The following ARMCX4 variants were observed in gnomAD, a reference collection of about 807,000 sequenced individuals.
ARMCX4 encodes armadillo repeat-containing X-linked protein 4.
ARMCX4 carries 3 observed loss-of-function variants against 34.7 expected under a neutral mutation model. The ratio of observed to expected loss-of-function variants is 0.09; its 90% CI spans 0.04 to 0.22. The LOEUF is 0.22. Among genes scored for constraint, ARMCX4 ranks in the 10% least tolerant of loss-of-function variants. The probability of loss-of-function intolerance (pLI) is 1.00; values close to 1 mark genes in which losing one functional copy is unlikely to be tolerated. For synonymous variants in ARMCX4, 513 were observed against 632.8 expected, an observed-to-expected ratio of 0.81 and a Z score of 2.84; for missense variants, 1,448 against 1,720.8, an observed-to-expected ratio of 0.84 and a Z score of 2.81.
At chrX:101,495,983 G>A (rs1251597456), downstream of ARMCX4, among the ~76,000 whole-genome samples, 1 of 111,594 alleles carries the variant, frequency 9.0e-6, no homozygotes, top group Non-Finnish European at 1.9e-5. Context: ...TACAAAGGAG[G>A]GGGACCCTTA....
rs1569338116 is a variant in ARMCX4, at chrX:101,494,018, A to AGGCTGG, written c.5441_5446dup (p.Gly1814_Ala1815dup). The AGGCTGG allele has an allele frequency of 4.9e-5, 5 of 102,618 alleles. No homozygotes were observed. Among genetic ancestry groups the AGGCTGG allele is most frequent in the African/African-American group, 3.4e-4 (1 of 2,976 alleles). 8.5% of individuals were successfully genotyped at this position (102,618 alleles called of 1,213,427 possible). A position where few individuals can be genotyped will look rare whatever the true frequency, so the allele number is the denominator to read the frequency against. ...TATATGGGCTCCTGTGTAGGGGCTG[A>AGGCTGG]GGCTGGGGCTGGGGCTGAGGCTGGG... On this transcript the variant is annotated inframe_insertion, in exon 6 of 6. Transcript: ENST00000423738.
upstream of ARMCX4, among the ~76,000 whole-genome samples, chrX:101,483,611 G>A (rs1933564340): frequency 9.1e-6 from 1 of 109,442 alleles, no homozygotes; most frequent in South Asian, 3.8e-4. Flanking sequence ...TTTCTATTGG[G>A]TTGTTTATCA....
At chrX:101,510,601 G>A (rs1934560390) in intron 10 of ARMCX4, among the ~76,000 whole-genome samples, 1 of 111,690 alleles carries the variant, frequency 9.0e-6, no homozygotes, top group Admixed American at 9.5e-5. Context: ...TGTGATGTAA[G>A]TTATATTACT....
At chrX:101,476,785 C>T (rs189381976) in intron 4 of ARMCX4, among the ~76,000 whole-genome samples, 2 of 109,618 alleles carry the variant, frequency 1.8e-5, no homozygotes, top group East Asian at 5.7e-4. Context: ...AGACATTTAA[C>T]TCAAGAATGT....
chrX:101,469,167 T>C (rs1556002582), intron 4 of ARMCX4, among the ~76,000 whole-genome samples: 1 of 112,633 alleles, frequency 8.9e-6, no homozygotes, highest in African/African-American at 3.2e-5. Flanking sequence ...ACAACCTCAC[T>C]ACTTAACAGA....
intron 4 of ARMCX4, among the ~76,000 whole-genome samples, chrX:101,470,743 C>A (rs1932881850): frequency 8.9e-6 from 1 of 112,079 alleles, no homozygotes; most frequent in Non-Finnish European, 1.9e-5. Flanking sequence ...CTTATTGTTT[C>A]TGAGTTTCAG....
chrX:101,498,072 C>A, downstream of ARMCX4: 1 of 315,318 alleles, frequency 3.2e-6, no homozygotes, highest in Admixed American at 3.3e-5. Flanking sequence ...TGGATATGGC[C>A]TTCTTGCCCC....
At chrX:101,535,393 C>T (rs144735416), downstream of ARMCX4, among the ~76,000 whole-genome samples, 38 of 111,413 alleles carry the variant, frequency 3.4e-4, no homozygotes, top group East Asian at 0.011. Context: ...GAACTAATGC[C>T]CTGTGGGAAA....
downstream of ARMCX4, among the ~76,000 whole-genome samples, chrX:101,447,023 A>G (rs782757071): frequency 9.0e-6 from 1 of 111,472 alleles, no homozygotes; most frequent in Non-Finnish European, 1.9e-5. Flanking sequence ...CACTTCCAAG[A>G]CAGTTCACAG....
chrX:101,424,230 C>T (rs1371306384), intron 2 of ARMCX4, among the ~76,000 whole-genome samples: 1 of 111,539 alleles, frequency 9.0e-6, no homozygotes, highest in East Asian at 2.8e-4. Flanking sequence ...CATGGAGGTA[C>T]CTAGAGGGTG....
At chrX:101,533,005 G>C in intron 12 of ARMCX4, 1 of 109,875 alleles carries the variant, frequency 9.1e-6, no homozygotes, top group Middle Eastern at 4.7e-3. Context: ...ATGGTGGTTA[G>C]TCTTTATTTT....
At chrX:101,507,167 A>G (rs1934471510) in intron 8 of ARMCX4, among the ~76,000 whole-genome samples, 1 of 110,798 alleles carries the variant, frequency 9.0e-6, no homozygotes, top group Non-Finnish European at 1.9e-5. Context: ...CATTATGTCT[A>G]TGTAAGGATT....
At chrX:101,519,053 A>C (rs146159830) in intron 11 of ARMCX4, among the ~76,000 whole-genome samples, 2,633 of 111,212 alleles carry the variant, frequency 0.024, 76 homozygotes, top group African/African-American at 0.08. Context: ...CATTGGAGAA[A>C]ATAATAAAAT....
chrX:101,439,682 A>G (rs1931103332), intron 2 of ARMCX4, among the ~76,000 whole-genome samples: 1 of 111,360 alleles, frequency 9.0e-6, no homozygotes, highest in Admixed American at 9.6e-5. Flanking sequence ...GTTTCTTTGT[A>G]TTCTTTTTTC....
chrX:101,436,074 G>A (rs1309703000), intron 2 of ARMCX4, among the ~76,000 whole-genome samples: 6 of 110,911 alleles, frequency 5.4e-5, no homozygotes, highest in Non-Finnish European at 1.1e-4. Flanking sequence ...AAGTCAGGTA[G>A]CGTGATGCCT....
chrX:101,493,836 A>G lies in ARMCX4; in HGVS notation c.5247A>G (p.Thr1749=). ...AEAVIGSWCW[T]EEKADIVSRP... ...CCGTTATAGGGTCTTGGTGCTGGAC[A>G]GAGGAAAAAGCTGATATTGTGTCCA... Residue 1749 remains threonine (T), a synonymous_variant, in exon 6 of 6, where the codon ACA becomes ACG. Transcript: ENST00000423738. The G allele has an allele frequency of 1.7e-6, 2 of 1,153,094 alleles. No individual in the cohort carries two copies. The highest frequency in any genetic ancestry group is 2.3e-6 in the Non-Finnish European group (2 of 872,191).
At position 101,494,038 on chromosome X, in the gene ARMCX4, G is replaced by C; in HGVS notation, c.5449G>C (p.Ala1817Pro). 1.0e-6 allele frequency: 1 copy of C among 986,206 alleles called. No individual in the cohort carries two copies. The allele number at this position is 986,206 out of a possible 1,213,427, so 81.3% of individuals were successfully genotyped here. A position where few individuals can be genotyped will look rare whatever the true frequency, so the allele number is the denominator to read the frequency against. ...GGCTGAGGCTGGGGCTGGGGCTGAG[G>C]CTGGGGCTGGGGCTGAGGCTGGGGC... ...VGAEAGAGAE[A>P]GAGAEAGAGA... Residue 1817 changes from alanine (A) to proline (P), a missense_variant, in exon 6 of 6, where the codon GCT becomes CCT. Physicochemically the swap from Ala to Pro is conservative, Grantham distance 27 (BLOSUM62 -1). Coordinates refer to ENST00000423738, the MANE Select transcript of ARMCX4 (RefSeq NM_001256155.3).
intron 2 of ARMCX4, among the ~76,000 whole-genome samples, chrX:101,438,570 C>A (rs190428741): frequency 0.04 from 4,438 of 109,593 alleles, 80 homozygotes; most frequent in Middle Eastern, 0.066. Context: ...GTTCCCCCCC[C>A]AAAAAAAGTC....
chrX:101,439,620 G>A (rs1233916017), intron 2 of ARMCX4, among the ~76,000 whole-genome samples: 5 of 111,987 alleles, frequency 4.5e-5, no homozygotes, highest in Non-Finnish European at 9.4e-5. Context: ...ACACCAATCA[G>A]ATGTAGATTT....
Sources: gnomAD v4.1 joint callset for allele counts (sites outside exome capture counted in the v4.1 genomes callset) on GRCh38, gnomAD v4.1.1 for gene constraint, MANE v1.5 for transcripts, NCBI Gene and HGNC (gene_info 2026-07-23, HGNC 2026-07-21) for gene names.